The following PDE1C variants were observed in gnomAD, a reference collection of about 807,000 sequenced individuals.
PDE1C encodes dual specificity calcium/calmodulin-dependent 3',5'-cyclic nucleotide phosphodiesterase 1C.
In PDE1C, 62 loss-of-function variants were observed where a neutral mutation model predicts 93.1. That is an observed-to-expected ratio of 0.67 (90% CI 0.54 to 0.82). The LOEUF is 0.82. Among genes scored for constraint, PDE1C ranks in the 40% least tolerant of loss-of-function variants. The probability of loss-of-function intolerance (pLI) is 0.00; values close to 1 mark genes in which losing one functional copy is unlikely to be tolerated. For missense variants in PDE1C, 742 were observed against 884.6 expected (o/e 0.84, Z 2.04); for synonymous variants, 325 against 310.1 (o/e 1.05, Z -0.50).
In PDE1C at chr7:32,420,261, A is replaced by G. The variant is rs1319209892; in HGVS notation, c.310+7561T>C. ...TATATGTGTATATATATACATGTGT[A>G]TATATATGTGTATATATATACATGT... On this transcript the variant is annotated intron_variant, in intron 1 of 1. Transcript: ENST00000672256. Among the ~76,000 whole-genome samples, 5 of 43,262 alleles carry G rather than the reference A, an allele frequency of 1.2e-4. 2 individuals are homozygous for G. The allele number at this position is 43,262 out of a possible 152,430, so 28.4% of individuals were successfully genotyped here.
At chr7:31,839,163 T>C (rs938048526) in intron 9 of PDE1C, among the ~76,000 whole-genome samples, 1 of 149,244 alleles carries the variant, frequency 6.7e-6, no homozygotes, top group African/African-American at 2.4e-5. Flanking sequence ...TATATATGTA[T>C]GTATACACAC....
intron 1 of PDE1C, among the ~76,000 whole-genome samples, chr7:32,229,488 C>T (rs10228315): frequency 1.3e-5 from 2 of 152,264 alleles, no homozygotes; most frequent in Non-Finnish European, 2.9e-5. Flanking sequence ...TGGTCAGTGG[C>T]GATTTGACCC....
chr7:32,042,684 T>G (rs1392107681), intron 2 of PDE1C, among the ~76,000 whole-genome samples: 3 of 152,318 alleles, frequency 2.0e-5, no homozygotes, highest in South Asian at 4.1e-4. Flanking sequence ...AAGGATAATC[T>G]GGCTAGGGGC....
chr7:32,087,845 C>A (rs1486489625), intron 3 of PDE1C, among the ~76,000 whole-genome samples: 2 of 132,722 alleles, frequency 1.5e-5, no homozygotes, highest in Admixed American at 8.0e-5. Context: ...ACTCTAGGGA[C>A]TGTTGTGGGG....
intron 3 of PDE1C, among the ~76,000 whole-genome samples, chr7:32,084,063 G>A (rs1450136315): frequency 6.6e-6 from 1 of 151,980 alleles, no homozygotes; most frequent in Non-Finnish European, 1.5e-5. Flanking sequence ...TGGCAAATTG[G>A]ATAAAGAGTC....
chr7:32,296,995 G>T (rs1812637140), intron 1 of PDE1C, among the ~76,000 whole-genome samples: 1 of 152,314 alleles, frequency 6.6e-6, no homozygotes, highest in Non-Finnish European at 1.5e-5. Flanking sequence ...GGACTGGAGG[G>T]ATTGCCAAGG....
At chr7:32,364,709 C>T (rs1323339025) in intron 1 of PDE1C, among the ~76,000 whole-genome samples, 5 of 152,238 alleles carry the variant, frequency 3.3e-5, no homozygotes, top group Non-Finnish European at 7.3e-5. Context: ...TGCTAGAGCA[C>T]AGCACCAACT....
At chr7:31,762,885 T>A (rs191419424) in intron 17 of PDE1C, among the ~76,000 whole-genome samples, 41 of 152,268 alleles carry the variant, frequency 2.7e-4, no homozygotes, top group African/African-American at 9.9e-4. Flanking sequence ...GGGATATGCA[T>A]CCATAGAAAA....
chr7:32,237,599 C>A (rs1040154977), intron 1 of PDE1C, among the ~76,000 whole-genome samples: 1 of 151,206 alleles, frequency 6.6e-6, no homozygotes, highest in African/African-American at 2.4e-5. Context: ...AAAAAAATCT[C>A]AGCAAACTAA....
At chr7:32,178,270 TC>T (rs1803142160) in intron 2 of PDE1C, among the ~76,000 whole-genome samples, 1 of 152,178 alleles carries the variant, frequency 6.6e-6, no homozygotes, top group African/African-American at 2.4e-5. Flanking sequence ...ATGGCTCATC[TC>T]AACTCAATCT....
chr7:31,967,855 AACC>A (rs1810271943), intron 2 of PDE1C, among the ~76,000 whole-genome samples: 1 of 152,224 alleles, frequency 6.6e-6, no homozygotes, highest in Non-Finnish European at 1.5e-5. Context: ...CAAAGACAAA[AACC>A]ACATTATTAT....
At chr7:31,980,008 G>C (rs1812172577) in intron 2 of PDE1C, among the ~76,000 whole-genome samples, 1 of 152,140 alleles carries the variant, frequency 6.6e-6, no homozygotes, top group Non-Finnish European at 1.5e-5. Flanking sequence ...AATATTCCAG[G>C]AAAAGGGCTC....
chr7:31,669,084 T>C, the PDE1C span, among the ~76,000 whole-genome samples: 2 of 152,112 alleles, frequency 1.3e-5, no homozygotes, highest in African/African-American at 4.8e-5. Flanking sequence ...GAGAAGTCAC[T>C]GGAGAGTTTG....
intron 2 of PDE1C, among the ~76,000 whole-genome samples, chr7:31,973,849 T>C (rs1191317787): frequency 1.3e-5 from 2 of 152,212 alleles, no homozygotes; most frequent in Non-Finnish European, 2.9e-5. Context: ...CATGTACATA[T>C]AGTTTAGTAG....
intron 2 of PDE1C, among the ~76,000 whole-genome samples, chr7:31,938,125 A>G (rs955424614): frequency 1.3e-4 from 20 of 152,080 alleles, no homozygotes; most frequent in South Asian, 2.1e-4. Context: ...TCACATGTAC[A>G]TTTCACACTG....
chr7:31,662,578 A>G, the PDE1C span, among the ~76,000 whole-genome samples: 19 of 149,074 alleles, frequency 1.3e-4, no homozygotes, highest in Non-Finnish European at 2.8e-4. Flanking sequence ...TCTGTGTTGT[A>G]TAAGTGTCTG....
At chr7:32,240,408 A>G (rs1473019906) in intron 1 of PDE1C, among the ~76,000 whole-genome samples, 3 of 152,232 alleles carry the variant, frequency 2.0e-5, no homozygotes, top group African/African-American at 7.2e-5. Flanking sequence ...TGCAGAGCTT[A>G]CAAGAGGAAA....
At chr7:32,408,373 C>T (rs1468144915) in intron 1 of PDE1C, among the ~76,000 whole-genome samples, 2 of 152,174 alleles carry the variant, frequency 1.3e-5, no homozygotes, top group Admixed American at 6.5e-5. Context: ...AGATAAATAA[C>T]AGCAGAATCT....
chr7:31,937,661 A>T (rs975892807), intron 2 of PDE1C, among the ~76,000 whole-genome samples: 26 of 152,164 alleles, frequency 1.7e-4, no homozygotes, highest in African/African-American at 6.3e-4. Flanking sequence ...CATCAAATAG[A>T]CTTGCAATAA....
Sources: allele counts gnomAD v4.1 joint callset (sites outside exome capture counted in the v4.1 genomes callset), GRCh38; gene constraint gnomAD v4.1.1; transcripts MANE v1.5; gene names NCBI Gene and HGNC (gene_info 2026-07-23, HGNC 2026-07-21).